The following OSBPL1A variants were observed in gnomAD, a reference collection of about 807,000 sequenced individuals.
OSBPL1A encodes the protein oxysterol-binding protein-related protein 1.
OSBPL1A carries 80 observed loss-of-function variants against 137.1 expected under a neutral mutation model. The observed-to-expected ratio is 0.58, with a 90% CI of 0.49 to 0.70. The LOEUF (loss-of-function observed/expected upper bound fraction) is 0.70, where lower values mean the gene tolerates loss of function less well. Ranked by LOEUF, OSBPL1A falls within the 30% of genes least tolerant of loss-of-function variation. The probability of loss-of-function intolerance (pLI) is 0.00; values close to 1 mark genes in which losing one functional copy is unlikely to be tolerated. For synonymous variants in OSBPL1A, 365 were observed against 389.7 expected (o/e 0.94, Z 0.75); for missense variants, 970 against 1,129.4 (o/e 0.86, Z 2.02).
chr18:24,314,363 G>C lies in OSBPL1A; in HGVS notation c.871-16C>G. The C allele has an allele frequency of 1.3e-6, 2 of 1,546,144 alleles. No homozygotes were observed. The highest frequency in any genetic ancestry group is 4.5e-5 in the East Asian group (2 of 44,266). On this transcript the variant is annotated splice_polypyrimidine_tract_variant and intron_variant, in intron 11 of 27. Transcript: ENST00000319481. Reference sequence around the variant, plus strand: ...TGGATTTTACCTTGGATATAAAGAAGTCAGTAAGACAACATTCATTCACAT... The same window carrying C: ...TGGATTTTACCTTGGATATAAAGAACTCAGTAAGACAACATTCATTCACAT...
At chr18:24,243,673 A>T (rs1417188277) in intron 15 of OSBPL1A, among the ~76,000 whole-genome samples, 1 of 152,232 alleles carries the variant, frequency 6.6e-6, no homozygotes, top group East Asian at 1.9e-4. Context: ...GAGAGACAGT[A>T]AAAGGGGTTG....
chr18:24,172,746 T>C (rs754662809), intron 21 of OSBPL1A, among the ~76,000 whole-genome samples: 17 of 152,118 alleles, frequency 1.1e-4, no homozygotes, highest in Non-Finnish European at 2.2e-4. Flanking sequence ...TACATAATCA[T>C]TTTAAGCATT....
At chr18:24,350,502 G>C (rs1186240831) in intron 4 of OSBPL1A, among the ~76,000 whole-genome samples, 1 of 152,024 alleles carries the variant, frequency 6.6e-6, no homozygotes, top group South Asian at 2.1e-4. Flanking sequence ...ATATTGCCCA[G>C]GCTGGCCTCA....
At chr18:24,165,185 A>G (rs1252398318) in intron 26 of OSBPL1A, 30 bp from the exon 27 acceptor site, 5 of 1,591,750 alleles carry the variant, frequency 3.1e-6, no homozygotes, top group Non-Finnish European at 4.3e-6. Flanking sequence ...ACAAACCATT[A>G]ACACTCTACA....
chr18:24,216,922 C>G (rs2087719814), intron 17 of OSBPL1A, among the ~76,000 whole-genome samples: 1 of 152,142 alleles, frequency 6.6e-6, no homozygotes, highest in African/African-American at 2.4e-5. Flanking sequence ...ATAGCTGACT[C>G]TATGTCTGGG....
intron 21 of OSBPL1A, among the ~76,000 whole-genome samples, chr18:24,174,927 C>T (rs1032991616): frequency 3.3e-5 from 5 of 151,146 alleles, no homozygotes; most frequent in African/African-American, 4.9e-5. Flanking sequence ...CATGTGTCCC[C>T]ATGCCTGGCT....
chr18:24,389,832 C>A lies in OSBPL1A; in HGVS notation c.-3+7823G>T, dbSNP rs140781214. 4.7e-3 allele frequency among the ~76,000 whole-genome samples: 712 copies of A among 152,126 alleles called. 8 individuals are homozygous for A. The highest frequency in any genetic ancestry group is 0.016 in the African/African-American group (663 of 41,512). On this transcript the variant is annotated intron_variant, in intron 1 of 27. Coordinates refer to ENST00000319481, the MANE Select transcript of OSBPL1A (RefSeq NM_080597.4). The stretch of plus-strand genomic sequence containing the variant: ...TGGTGCATGCCTGTAATCCCAGCTA[C>A]TGGGGAGGCTGAGGTACAAGAATCA...
chr18:24,176,468 A>G (rs116512476), intron 21 of OSBPL1A, among the ~76,000 whole-genome samples: 2,379 of 149,938 alleles, frequency 0.016, 71 homozygotes, highest in African/African-American at 0.058. Flanking sequence ...TTCCAAAAAT[A>G]CTTCTATTTT....
intron 15 of OSBPL1A, among the ~76,000 whole-genome samples, chr18:24,243,562 C>T (rs1418667847): frequency 6.6e-6 from 1 of 151,986 alleles, no homozygotes; most frequent in Admixed American, 6.6e-5. Context: ...ATATCCAGTC[C>T]CCTCAAAAAA....
intron 17 of OSBPL1A, among the ~76,000 whole-genome samples, chr18:24,203,655 C>A (rs1305452312): frequency 6.6e-6 from 1 of 152,180 alleles, no homozygotes; most frequent in Non-Finnish European, 1.5e-5. Context: ...TCCACCACCA[C>A]TCTACCACCC....
chr18:24,255,572 C>G (rs948787456), intron 15 of OSBPL1A, among the ~76,000 whole-genome samples: 1 of 152,014 alleles, frequency 6.6e-6, no homozygotes. Flanking sequence ...GACCTGGAAG[C>G]CTCTTCCCTC....
At position 24,271,974 on chromosome 18, in the gene OSBPL1A, G is replaced by C; in HGVS notation, c.1281+8868C>G. 8.1e-6 allele frequency: 8 copies of C among 982,014 alleles called. No individual in the cohort carries two copies. The highest frequency in any genetic ancestry group is 8.4e-6 in the Non-Finnish European group (7 of 828,752). The allele number at this position is 982,014 out of a possible 1,614,324, so 60.8% of individuals were successfully genotyped here. A position where few individuals can be genotyped will look rare whatever the true frequency, so the allele number is the denominator to read the frequency against. On this transcript the variant is annotated intron_variant, in intron 15 of 27. Coordinates refer to ENST00000319481, the MANE Select transcript of OSBPL1A (RefSeq NM_080597.4). The surrounding 1 kb of genome is among the most constrained non-coding windows in gnomAD (Gnocchi z 4.0). ...AGACCCGCCCTCCGGGGCTCGCGGG[G>C]AGAGCGCGGGCGGGCGGCGGCAAGG...
intron 26 of OSBPL1A, among the ~76,000 whole-genome samples, chr18:24,166,045 C>T (rs1260150516): frequency 2.0e-5 from 3 of 151,868 alleles, no homozygotes; most frequent in Non-Finnish European, 1.5e-5. Flanking sequence ...TGCAGTGAGC[C>T]GAGATTGCGC....
At chr18:24,373,576 T>C (rs777872363) in intron 2 of OSBPL1A, among the ~76,000 whole-genome samples, 9 of 152,296 alleles carry the variant, frequency 5.9e-5, no homozygotes, top group Non-Finnish European at 1.3e-4. Flanking sequence ...TAACCTTCAC[T>C]TTCCACTCAC....
intron 18 of OSBPL1A, among the ~76,000 whole-genome samples, chr18:24,186,345 A>G (rs1008026929): frequency 3.9e-5 from 6 of 152,290 alleles, no homozygotes; most frequent in African/African-American, 1.2e-4. Context: ...ACTTGTGATG[A>G]TTTTTCCTCA....
At chr18:24,205,428 G>A (rs2087340675) in intron 17 of OSBPL1A, among the ~76,000 whole-genome samples, 1 of 152,112 alleles carries the variant, frequency 6.6e-6, no homozygotes, top group South Asian at 2.1e-4. Context: ...TTTAAAAAAT[G>A]AAATCAAACT....
chr18:24,265,984 T>G (rs2089560800), intron 15 of OSBPL1A, among the ~76,000 whole-genome samples: 1 of 152,226 alleles, frequency 6.6e-6, no homozygotes, highest in African/African-American at 2.4e-5. Flanking sequence ...TAAGATATTT[T>G]CGTGAGAATA....
Position 24,280,949 on chromosome 18 carries a change from C to G in OSBPL1A, c.1175-1G>C. The G allele has an allele frequency of 6.3e-7, 1 of 1,580,938 alleles. No individual in the cohort carries two copies. Among genetic ancestry groups the G allele is most frequent in the Non-Finnish European group, 8.6e-7 (1 of 1,166,590 alleles). Reference sequence around the variant, plus strand: ...TTCTGAAGAAATGATGGAAGCATTTCTATAAAGAAAAAAATAAATACAGTG... The same window carrying G: ...TTCTGAAGAAATGATGGAAGCATTTGTATAAAGAAAAAAATAAATACAGTG... On this transcript the variant is annotated splice_acceptor_variant, in intron 14 of 27. Coordinates refer to ENST00000319481, the MANE Select transcript of OSBPL1A (RefSeq NM_080597.4). LOFTEE classifies it high-confidence loss of function.
chr18:24,165,033 GCTCAGCCACACCCCCTGA>G lies in OSBPL1A; in HGVS notation c.2750+14_2750+31del. The G allele has an allele frequency of 6.2e-7, 1 of 1,606,974 alleles. No homozygotes were observed. The highest frequency in any genetic ancestry group is 8.5e-7 in the Non-Finnish European group (1 of 1,174,060). On this transcript the variant is annotated intron_variant, in intron 27 of 27. Transcript: ENST00000319481. ...TCTGCACACAGCAGCCTGCCTGAGG[GCTCAGCCACACCCCCTGA>G]CTCAGGCACGCACCTCGTCTTCCAG...
Sources: allele counts gnomAD v4.1 joint callset (sites outside exome capture counted in the v4.1 genomes callset), GRCh38; gene constraint gnomAD v4.1.1; non-coding constraint Gnocchi (gnomAD v3.1); transcripts MANE v1.5; gene names NCBI Gene and HGNC (gene_info 2026-07-23, HGNC 2026-07-21).